DENND4A: variants seen among roughly 807,000 people sequenced by gnomAD.
DENND4A encodes the protein DENN domain containing 4A.
In DENND4A, 70 loss-of-function variants were observed where a neutral mutation model predicts 199.3. The ratio of observed to expected loss-of-function variants is 0.35; its 90% CI spans 0.29 to 0.43. The LOEUF (loss-of-function observed/expected upper bound fraction) is 0.43. Ranked by LOEUF, DENND4A falls within the 20% of genes least tolerant of loss-of-function variation. The pLI is 1.00. For synonymous variants in DENND4A, 686 were observed against 766.9 expected (o/e 0.89, Z 1.74); for missense variants, 1,723 against 2,255.8 (o/e 0.76, Z 4.78).
chr15:65,700,993 G>A lies in DENND4A; in HGVS notation c.2701+58C>T, dbSNP rs185940021. ...AAAACTATTTAAAATTTCTAAAAAT[G>A]TAAACTGTAGCTAATCAATTAATTT... On this transcript the variant is annotated intron_variant, in intron 19 of 32. Coordinates refer to ENST00000443035, the MANE Select transcript of DENND4A (RefSeq NM_001320835.1). The A allele has an allele frequency of 1.1e-3, 1,710 of 1,514,392 alleles. 27 individuals carry two copies. In the African/African-American group the frequency reaches 0.021, roughly 18 times the overall value. The allele number at this position is 1,514,392 out of a possible 1,614,324, so 93.8% of individuals were successfully genotyped here.
At chr15:65,683,856 A>C (rs1211664024) in intron 23 of DENND4A, among the ~76,000 whole-genome samples, 3 of 152,246 alleles carry the variant, frequency 2.0e-5, no homozygotes, top group African/African-American at 2.4e-5. Flanking sequence ...CCACCCCAGT[A>C]AGATACCTCA....
At chr15:65,741,565 TA>T (rs1952909381) in intron 5 of DENND4A, 149 bp downstream of exon 5, 3 of 512,832 alleles carry the variant, frequency 5.8e-6, no homozygotes, top group Non-Finnish European at 1.0e-5. Context: ...CCAATAAACA[TA>T]TAAGTGAAGA....
At chr15:65,769,100 T>C (rs182685022) in intron 1 of DENND4A, among the ~76,000 whole-genome samples, 223 of 151,836 alleles carry the variant, frequency 1.5e-3, no homozygotes, top group Non-Finnish European at 8.8e-4. Flanking sequence ...TATAAATGAT[T>C]ACAAAGTCGG....
chr15:65,686,438 G>A lies in DENND4A; in HGVS notation c.4179+3977C>T, dbSNP rs531819213. On this transcript the variant is annotated intron_variant, in intron 23 of 32. Coordinates refer to ENST00000443035, the MANE Select transcript of DENND4A (RefSeq NM_001320835.1). ...TTGTTACCTCTTCTATCAACTGAGC[G>A]TTTTTAAATTTCCTACTCAGATTTA... Among the ~76,000 whole-genome samples the A allele has an allele frequency of 1.3e-4, 20 of 152,216 alleles. No homozygotes were observed. The South Asian group carries it at 2.5e-3, about 19-fold the overall frequency.
chr15:65,740,164 T>C (rs930218306), intron 5 of DENND4A, among the ~76,000 whole-genome samples: 3 of 151,512 alleles, frequency 2.0e-5, no homozygotes, highest in African/African-American at 7.3e-5. Context: ...CTTTCAATGG[T>C]TGCACCCATT....
chr15:65,670,734 C>A (rs1192679961), intron 25 of DENND4A, among the ~76,000 whole-genome samples: 1 of 152,106 alleles, frequency 6.6e-6, no homozygotes, highest in Non-Finnish European at 1.5e-5. Flanking sequence ...TGGTCTTTTA[C>A]AAAAGACAGT....
rs537976466 is a variant in DENND4A at position 65,687,477 on chromosome 15, A to T, written c.4179+2938T>A. Among the ~76,000 whole-genome samples, 29 of 151,910 alleles carry T rather than the reference A, an allele frequency of 1.9e-4. 1 individual carries two copies. The highest frequency in any genetic ancestry group is 6.5e-4 in the African/African-American group (27 of 41,432). On this transcript the variant is annotated intron_variant, in intron 23 of 32. Coordinates refer to ENST00000443035, the MANE Select transcript of DENND4A (RefSeq NM_001320835.1). ...TTACCATTTATTTTGCATTTATTTT[A>T]TTCCTGAAGATGCAGGTTTCTCTTT...
chr15:65,725,718 C>G (rs145516950), intron 11 of DENND4A, among the ~76,000 whole-genome samples: 2 of 152,062 alleles, frequency 1.3e-5, no homozygotes, highest in African/African-American at 4.8e-5. Flanking sequence ...AACCACCTCA[C>G]AAAGTATGGA....
At chr15:65,724,529 T>C (rs2075747550) in intron 11 of DENND4A, among the ~76,000 whole-genome samples, 1 of 152,122 alleles carries the variant, frequency 6.6e-6, no homozygotes, top group South Asian at 2.1e-4. Flanking sequence ...TTGCTGAACC[T>C]TTTTATATTC....
chr15:65,730,196 A>G (rs2075918766), intron 9 of DENND4A, among the ~76,000 whole-genome samples: 5 of 152,152 alleles, frequency 3.3e-5, no homozygotes, highest in Admixed American at 3.3e-4. Flanking sequence ...ATAGGAAATC[A>G]AGAGGTACAA....
intron 11 of DENND4A, among the ~76,000 whole-genome samples, chr15:65,725,226 A>C (rs2075766585): frequency 6.6e-6 from 1 of 152,172 alleles, no homozygotes; most frequent in African/African-American, 2.4e-5. Flanking sequence ...TATGACATAC[A>C]CATATTATAT....
chr15:65,758,470 C>T (rs1434990123), intron 2 of DENND4A, among the ~76,000 whole-genome samples: 4 of 151,922 alleles, frequency 2.6e-5, no homozygotes, highest in East Asian at 1.9e-4. Context: ...TGCACCACCA[C>T]GCCTGGCTGG....
intron 12 of DENND4A, among the ~76,000 whole-genome samples, chr15:65,720,521 C>G (rs1309271385): frequency 6.6e-6 from 1 of 151,538 alleles, no homozygotes; most frequent in Non-Finnish European, 1.5e-5. Context: ...AAGCTATTCT[C>G]CAGCCTCAGC....
intron 2 of DENND4A, among the ~76,000 whole-genome samples, chr15:65,760,125 G>A (rs1391145337): frequency 6.6e-6 from 1 of 152,076 alleles, no homozygotes; most frequent in African/African-American, 2.4e-5. Flanking sequence ...AAATTACTCT[G>A]GTAAAGTATT....
chr15:65,718,760 CTTTTTTTTT>C (rs1038227560), intron 12 of DENND4A, among the ~76,000 whole-genome samples: 33 of 67,772 alleles, frequency 4.9e-4, no homozygotes, highest in African/African-American at 9.4e-4. Flanking sequence ...GTTTTTTTTC[CTTTTTTTTT>C]TTTTTTTTTT....
rs777263182 is a variant in DENND4A, at chr15:65,752,481, C to T, written c.459G>A (p.Gln153=). 2.2e-5 allele frequency: 36 copies of T among 1,613,428 alleles called. No individual in the cohort carries two copies. Among genetic ancestry groups the T allele is most frequent in the Middle Eastern group, 1.6e-4 (1 of 6,080 alleles). ...ATATGTCAGTGACAGCCAACGTATT[C>T]TGAGTCATGTTTTCAGAGGCTCTTC... ...TYRRASENMT[Q]NTLAVTDICI... is the part of the protein sequence containing the mutation. Residue 153 remains glutamine (Q), a synonymous_variant, in exon 4 of 33, where the codon CAG becomes CAA. Transcript: ENST00000443035.
chr15:65,683,154 A>G (rs186429804), intron 23 of DENND4A, among the ~76,000 whole-genome samples: 2 of 152,366 alleles, frequency 1.3e-5, no homozygotes. Flanking sequence ...TGTAAAAAGC[A>G]TGACATTTGT....
At chr15:65,692,015 T>G (rs934664356) in intron 22 of DENND4A, among the ~76,000 whole-genome samples, 1 of 150,454 alleles carries the variant, frequency 6.6e-6, no homozygotes, top group South Asian at 2.1e-4. Context: ...GTTGCCCAAG[T>G]TGGTCTTGAA....
intron 23 of DENND4A, among the ~76,000 whole-genome samples, chr15:65,677,947 T>A (rs546636835): frequency 6.7e-6 from 1 of 148,816 alleles, no homozygotes; most frequent in Non-Finnish European, 1.5e-5. Context: ...TTTTTTTTTT[T>A]CAAAGAATTT....
Sources: allele counts gnomAD v4.1 joint callset (sites outside exome capture counted in the v4.1 genomes callset), GRCh38; gene constraint gnomAD v4.1.1; transcripts MANE v1.5; gene names NCBI Gene and HGNC (gene_info 2026-07-23, HGNC 2026-07-21).